Variants in SEMA5A observed in about 807,000 individuals in gnomAD.
The protein encoded by SEMA5A is semaphorin-5A.
Under a neutral mutation model 135.5 loss-of-function variants are expected in SEMA5A, and 55 were observed. The ratio of observed to expected loss-of-function variants is 0.41; its 90% CI spans 0.33 to 0.51. SEMA5A has a LOEUF of 0.51. Among genes scored for constraint, SEMA5A ranks in the 20% least tolerant of loss-of-function variants. SEMA5A has a pLI of 0.37. For synonymous variants in SEMA5A, 580 were observed against 546.5 expected (o/e 1.06, Z -0.85); for missense variants, 1,290 against 1,419.9 (o/e 0.91, Z 1.47).
intron 10 of SEMA5A, among the ~76,000 whole-genome samples, chr5:9,190,686 A>G (rs545601382): frequency 2.0e-5 from 3 of 152,298 alleles, no homozygotes; most frequent in African/African-American, 7.2e-5. Context: ...GAGTCTCCCA[A>G]CATCATCATA....
intron 5 of SEMA5A, among the ~76,000 whole-genome samples, chr5:9,285,604 A>T (rs1750759184): frequency 6.6e-6 from 1 of 152,214 alleles, no homozygotes; most frequent in Non-Finnish European, 1.5e-5. Flanking sequence ...AGACTTAAAC[A>T]CCAGCTCACA....
rs1745733107 is a variant in SEMA5A at position 9,201,981 on chromosome 5, C to A, written c.906G>T (p.Leu302Phe). The part of the protein sequence containing the change: ...QSTFFLPELD[L>F]IYGIFTTNVN... ...CATTGGTGGTAAAGATGCCATAGAT[C>A]AAATCCAGCTCAGGCAGGAAGAAAG... The change falls in exon 9 of 23, where the codon TTG becomes TTT. Residue 302 changes from leucine (L) to phenylalanine (F), a missense_variant. By Grantham distance (22) the Leu-to-Phe change is conservative. Transcript: ENST00000382496. 3 of 1,613,978 alleles carry A rather than the reference C, an allele frequency of 1.9e-6. No homozygotes were observed. The highest frequency in any genetic ancestry group is 2.2e-5 in the South Asian group (2 of 91,054).
rs546457998 is a variant in SEMA5A at position 9,286,164 on chromosome 5, A to T, written c.270+32208T>A. Reference sequence around the variant, plus strand: ...TCGTTCCACCATATTGACTAAATATACTTGCTAAGATAAGGTGTAACGATT... The same window carrying T: ...TCGTTCCACCATATTGACTAAATATTCTTGCTAAGATAAGGTGTAACGATT... On this transcript the variant is annotated intron_variant, in intron 5 of 22. Coordinates refer to ENST00000382496, the MANE Select transcript of SEMA5A (RefSeq NM_003966.3). 5.9e-5 allele frequency among the ~76,000 whole-genome samples: 9 copies of T among 152,290 alleles called. No individual in the cohort carries two copies. In the East Asian group the frequency reaches 1.7e-3, roughly 29 times the overall value.
chr5:9,446,512 A>T (rs375254832), intron 1 of SEMA5A, among the ~76,000 whole-genome samples: 1 of 152,254 alleles, frequency 6.6e-6, no homozygotes, highest in African/African-American at 2.4e-5. Flanking sequence ...TCATGCAGGC[A>T]ATTTTGAAGA....
At chr5:9,430,471 A>G (rs1757817856) in intron 2 of SEMA5A, among the ~76,000 whole-genome samples, 1 of 152,176 alleles carries the variant, frequency 6.6e-6, no homozygotes, top group Non-Finnish European at 1.5e-5. Flanking sequence ...AATGGTGGGA[A>G]AAGAGACAAG....
intron 12 of SEMA5A, 57 bp from the exon 13 acceptor site, chr5:9,136,678 A>C: frequency 7.0e-7 from 1 of 1,426,378 alleles, no homozygotes; most frequent in Non-Finnish European, 9.9e-7. Flanking sequence ...GATAAGATAC[A>C]CAAGACAAGG....
intron 1 of SEMA5A, among the ~76,000 whole-genome samples, chr5:9,497,062 T>G (rs2126811637): frequency 6.6e-6 from 1 of 152,350 alleles, no homozygotes; most frequent in East Asian, 1.9e-4. Flanking sequence ...CAATGCCTTA[T>G]TAAAGAGAGT....
rs553997099 is a variant in SEMA5A, at chr5:9,331,926, T to C, written c.224+5787A>G. ...ATAAACGAAAAGGATCAGAAATCCA[T>C]ACTATTTGTTGCACATACATTTATA... On this transcript the variant is annotated intron_variant, in intron 4 of 22. Coordinates refer to ENST00000382496, the MANE Select transcript of SEMA5A (RefSeq NM_003966.3). Among the ~76,000 whole-genome samples, 9 of 152,358 alleles carry C rather than the reference T, an allele frequency of 5.9e-5. No individual in the cohort carries two copies. In the East Asian group the frequency reaches 1.3e-3, roughly 23 times the overall value.
At chr5:9,071,556 T>A (rs185056452) in intron 16 of SEMA5A, among the ~76,000 whole-genome samples, 87 of 152,328 alleles carry the variant, frequency 5.7e-4, no homozygotes, top group African/African-American at 2.0e-3. Flanking sequence ...GAAATTTGCA[T>A]ACATTTGGGG....
intron 1 of SEMA5A, among the ~76,000 whole-genome samples, chr5:9,526,021 T>C (rs1457581834): frequency 6.6e-6 from 1 of 152,222 alleles, no homozygotes; most frequent in Non-Finnish European, 1.5e-5. Context: ...GTTCTAGAGT[T>C]GGGAATCCCT....
At chr5:9,058,304 G>A (rs1477287466) in intron 18 of SEMA5A, among the ~76,000 whole-genome samples, 2 of 152,166 alleles carry the variant, frequency 1.3e-5, no homozygotes, top group Non-Finnish European at 2.9e-5. Context: ...TGGGAAGCTG[G>A]GGCTGGAACA....
chr5:9,458,960 T>C (rs1372799097), intron 1 of SEMA5A, among the ~76,000 whole-genome samples: 1 of 152,208 alleles, frequency 6.6e-6, no homozygotes, highest in Non-Finnish European at 1.5e-5. Flanking sequence ...GAAAACTGAT[T>C]CAAGTAGTCT....
intron 16 of SEMA5A, among the ~76,000 whole-genome samples, chr5:9,076,117 A>G (rs764039231): frequency 2.6e-5 from 4 of 150,970 alleles, no homozygotes; most frequent in Non-Finnish European, 5.9e-5. Flanking sequence ...AGGCAGGAGA[A>G]TTGCTTGAAC....
chr5:9,109,028 A>ATTTTTTTTT (rs67762219), intron 15 of SEMA5A, among the ~76,000 whole-genome samples: 1,309 of 92,306 alleles, frequency 0.014, 110 homozygotes, highest in Non-Finnish European at 0.017. Flanking sequence ...TTTCTCTTCA[A>ATTTTTTTTT]TTTTTTTTTT....
chr5:9,502,320 A>G (rs1035542464), intron 1 of SEMA5A, among the ~76,000 whole-genome samples: 4 of 152,214 alleles, frequency 2.6e-5, no homozygotes, highest in African/African-American at 9.7e-5. Context: ...TTGCAACATG[A>G]TGAAGTTCCC....
intron 1 of SEMA5A, among the ~76,000 whole-genome samples, chr5:9,533,102 T>G (rs1024672626): frequency 4.6e-5 from 7 of 152,238 alleles, no homozygotes; most frequent in Non-Finnish European, 2.9e-5. Context: ...AGATTTAGGT[T>G]GACAATTGAA....
intron 11 of SEMA5A, among the ~76,000 whole-genome samples, chr5:9,172,006 G>A (rs1345932587): frequency 6.6e-6 from 1 of 152,130 alleles, no homozygotes; most frequent in African/African-American, 2.4e-5. Flanking sequence ...TCAGAGCTGA[G>A]CCAGGACAAA....
chr5:9,345,645 C>A (rs1270319142), intron 3 of SEMA5A, among the ~76,000 whole-genome samples: 1 of 151,938 alleles, frequency 6.6e-6, no homozygotes, highest in Non-Finnish European at 1.5e-5. Context: ...ATCAATATAT[C>A]TCAGTCCCAA....
rs1319574794 is a variant in SEMA5A, at chr5:9,039,762, C to CTAAG, written c.*3131_*3134dup. 1 of 152,268 alleles carries CTAAG rather than the reference C, an allele frequency of 6.6e-6. No individual in the cohort carries two copies. The highest frequency in any genetic ancestry group is 1.5e-5 in the Non-Finnish European group (1 of 68,116). 9.4% of individuals were successfully genotyped at this position (152,268 alleles called of 1,614,324 possible). On this transcript the variant is annotated 3_prime_UTR_variant, in exon 23 of 23. Coordinates refer to ENST00000382496, the MANE Select transcript of SEMA5A (RefSeq NM_003966.3). ...TGCCCCCTGAGTTCCTTAGAATTCACTAAGTCCATATCATTCAGAGGTTAC... is the reference window on the plus strand; with the variant it reads ...TGCCCCCTGAGTTCCTTAGAATTCACTAAGTAAGTCCATATCATTCAGAGGTTAC...
Sources: allele counts gnomAD v4.1 joint callset (sites outside exome capture counted in the v4.1 genomes callset), GRCh38; gene constraint gnomAD v4.1.1; transcripts MANE v1.5; gene names NCBI Gene and HGNC (gene_info 2026-07-23, HGNC 2026-07-21).